FSIP1: variants seen among roughly 807,000 people sequenced by gnomAD.
FSIP1 encodes fibrous sheath-interacting protein 1.
FSIP1 carries 65 observed loss-of-function variants against 60.9 expected under a neutral mutation model. The observed-to-expected ratio is 1.07, with a 90% CI of 0.87 to 1.31. The LOEUF is 1.31. Among genes scored for constraint, FSIP1 ranks in the 40% most tolerant of loss-of-function variants. The pLI is 0.00. For missense variants in FSIP1, 675 were observed against 665.5 expected (o/e 1.01, Z -0.16); for synonymous variants, 209 against 221.2 (o/e 0.94, Z 0.49).
rs779531047 is a variant in FSIP1 at position 39,653,084 on chromosome 15, A to T, written c.1189-34839T>A. Among the ~76,000 whole-genome samples, 6 of 150,886 alleles carry T rather than the reference A, an allele frequency of 4.0e-5. 1 individual carries two copies. The highest frequency in any genetic ancestry group is 5.9e-5 in the Non-Finnish European group (4 of 67,660). ...CCAGCTACTTGGGAGGCTGAGGTGG[A>T]AGGATGTCTTGAGCCTGGGAGGCAG... On this transcript the variant is annotated intron_variant, in intron 10 of 11. Transcript: ENST00000350221.
chr15:39,739,541 C>A (rs1439503636), intron 7 of FSIP1, 124 bp downstream of exon 7: 3 of 875,440 alleles, frequency 3.4e-6, no homozygotes, highest in African/African-American at 1.8e-5. Context: ...ATTATATCTA[C>A]TAATTCAATC....
intron 10 of FSIP1, among the ~76,000 whole-genome samples, chr15:39,646,425 C>T (rs1423130917): frequency 1.4e-5 from 2 of 144,730 alleles, no homozygotes; most frequent in African/African-American, 5.3e-5. Flanking sequence ...TGGTTTGGGC[C>T]GTAATCCCAG....
At chr15:39,775,857 C>T (rs1898036955) in intron 2 of FSIP1, among the ~76,000 whole-genome samples, 2 of 152,074 alleles carry the variant, frequency 1.3e-5, no homozygotes, top group African/African-American at 4.8e-5. Context: ...ATAAATTACC[C>T]AGTCTCAGGT....
At chr15:39,730,047 T>C (rs950855089) in intron 8 of FSIP1, among the ~76,000 whole-genome samples, 1 of 152,076 alleles carries the variant, frequency 6.6e-6, no homozygotes, top group African/African-American at 2.4e-5. Flanking sequence ...AATAAAAGTA[T>C]TTATTGATTT....
At chr15:39,625,064 G>A (rs932969980) in intron 10 of FSIP1, among the ~76,000 whole-genome samples, 3 of 152,090 alleles carry the variant, frequency 2.0e-5, no homozygotes, top group Non-Finnish European at 4.4e-5. Flanking sequence ...GCCTGGCATG[G>A]CAAAGTCACC....
chr15:39,650,502 C>T (rs961980068), intron 10 of FSIP1, among the ~76,000 whole-genome samples: 1 of 152,206 alleles, frequency 6.6e-6, no homozygotes, highest in African/African-American at 2.4e-5. Context: ...ACTGTCTCAA[C>T]CCTTGGGGAA....
At chr15:39,611,874 A>G (rs987442523) in intron 11 of FSIP1, among the ~76,000 whole-genome samples, 1 of 152,226 alleles carries the variant, frequency 6.6e-6, no homozygotes, top group Non-Finnish European at 1.5e-5. Flanking sequence ...AGCTATACTT[A>G]TATCAGACAA....
intron 10 of FSIP1, among the ~76,000 whole-genome samples, chr15:39,675,957 A>C (rs1039100322): frequency 6.6e-6 from 1 of 151,732 alleles, no homozygotes; most frequent in Admixed American, 6.6e-5. Context: ...TGAGCTCAGG[A>C]GTTCGAGACC....
intron 10 of FSIP1, among the ~76,000 whole-genome samples, chr15:39,707,074 GC>G (rs764625395): frequency 1.1e-4 from 17 of 152,038 alleles, no homozygotes; most frequent in Non-Finnish European, 1.8e-4. Context: ...CAGTTCCCCT[GC>G]CCCCATAGGT....
chr15:39,741,696 C>T, intron 6 of FSIP1, 109 bp downstream of exon 6: 1 of 617,164 alleles, frequency 1.6e-6, no homozygotes, highest in Non-Finnish European at 2.9e-6. Flanking sequence ...TACTTGCTTC[C>T]ACTTACCTTT....
At chr15:39,670,307 T>C (rs1400042859) in intron 10 of FSIP1, among the ~76,000 whole-genome samples, 1 of 152,234 alleles carries the variant, frequency 6.6e-6, no homozygotes, top group Non-Finnish European at 1.5e-5. Context: ...GCTATTCCGA[T>C]AGTGGTTATC....
At chr15:39,770,654 C>T (rs1565561) in intron 2 of FSIP1, 44 bp from the exon 3 acceptor site, 565,003 of 1,256,486 alleles carry the variant, frequency 0.45, 130,940 homozygotes, top group Admixed American at 0.52. Flanking sequence ...AAAATACTGT[C>T]TTTTTTTAAA....
At chr15:39,706,429 T>C (rs953675145) in intron 10 of FSIP1, among the ~76,000 whole-genome samples, 6 of 152,194 alleles carry the variant, frequency 3.9e-5, no homozygotes, top group Non-Finnish European at 7.3e-5. Context: ...CTACAGGTTG[T>C]CTGAATATGA....
At chr15:39,707,493 G>A (rs1015578671) in intron 10 of FSIP1, among the ~76,000 whole-genome samples, 2 of 152,002 alleles carry the variant, frequency 1.3e-5, no homozygotes, top group Non-Finnish European at 2.9e-5. Context: ...CCCAAGTCAG[G>A]AAAAGGGTAC....
intron 10 of FSIP1, among the ~76,000 whole-genome samples, chr15:39,654,024 C>CA (rs1230368672): frequency 8.5e-5 from 13 of 152,146 alleles, no homozygotes; most frequent in Non-Finnish European, 1.8e-4. Context: ...CACTGTCTTC[C>CA]ACTCTACATC....
At position 39,719,591 on chromosome 15, in the gene FSIP1, C is replaced by T. The variant is rs535466714; in HGVS notation, c.1051-6010G>A. Among the ~76,000 whole-genome samples the T allele has an allele frequency of 9.2e-5, 14 of 152,304 alleles. No individual in the cohort carries two copies. In the South Asian group the frequency reaches 2.7e-3, roughly 29 times the overall value. ...TTATCTGATATGCAAATAAGGCATG[C>T]GTTAGGATTGGGAAAATACAAACCT... On this transcript the variant is annotated intron_variant, in intron 9 of 11. Coordinates refer to ENST00000350221, the MANE Select transcript of FSIP1 (RefSeq NM_152597.5).
intron 1 of FSIP1, among the ~76,000 whole-genome samples, chr15:39,780,059 T>C (rs1898196872): frequency 6.6e-6 from 1 of 152,210 alleles, no homozygotes; most frequent in Admixed American, 6.5e-5. Context: ...AATATCAAAA[T>C]GTTTTAAGTC....
At chr15:39,604,308 C>T (rs192016349) in intron 11 of FSIP1, among the ~76,000 whole-genome samples, 162 of 152,318 alleles carry the variant, frequency 1.1e-3, no homozygotes, top group African/African-American at 3.4e-3. Context: ...GTCACAATAG[C>T]GGATCTTCAG....
At chr15:39,637,167 A>C (rs1892169975) in intron 10 of FSIP1, among the ~76,000 whole-genome samples, 1 of 152,286 alleles carries the variant, frequency 6.6e-6, no homozygotes, top group African/African-American at 2.4e-5. Context: ...AACCCAGACA[A>C]ACCAATCCCA....
Sources: allele counts gnomAD v4.1 joint callset (sites outside exome capture counted in the v4.1 genomes callset), GRCh38; gene constraint gnomAD v4.1.1; transcripts MANE v1.5; gene names NCBI Gene and HGNC (gene_info 2026-07-23, HGNC 2026-07-21).